The following USH2A variants were observed in gnomAD, a reference collection of about 807,000 sequenced individuals.
The protein encoded by USH2A is Usher syndrome 2A (autosomal recessive, mild).
Under a neutral mutation model 538.9 loss-of-function variants are expected in USH2A, and 443 were observed. That is an observed-to-expected ratio of 0.82 (90% CI 0.76 to 0.89). The LOEUF (loss-of-function observed/expected upper bound fraction) is 0.89. USH2A is among the 40% of genes least tolerant of loss of function. USH2A has a pLI of 0.00. For synonymous variants in USH2A, 2,413 were observed against 2,273.5 expected (o/e 1.06, Z -1.75); for missense variants, 6,633 against 6,324.8 (o/e 1.05, Z -1.65).
chr1:215,763,499 T>TGTGG (rs1162515806), intron 56 of USH2A, among the ~76,000 whole-genome samples: 1 of 151,992 alleles, frequency 6.6e-6, no homozygotes, highest in Non-Finnish European at 1.5e-5. Context: ...GTCGTAGAAA[T>TGTGG]GTGGGCAAGG....
intron 38 of USH2A, among the ~76,000 whole-genome samples, chr1:215,927,955 T>A (rs1278887804): frequency 6.6e-6 from 1 of 152,134 alleles, no homozygotes; most frequent in Non-Finnish European, 1.5e-5. Flanking sequence ...AATTTAATTC[T>A]GGAAAATGTT....
intron 71 of USH2A, among the ~76,000 whole-genome samples, chr1:215,628,288 AT>A (rs954673187): frequency 1.7e-4 from 26 of 151,638 alleles, no homozygotes; most frequent in African/African-American, 6.3e-4. Context: ...TTTGCTGCTT[AT>A]TTATTTATTT....
At chr1:216,270,909 G>A (rs1169620307) in intron 11 of USH2A, among the ~76,000 whole-genome samples, 1 of 151,862 alleles carries the variant, frequency 6.6e-6, no homozygotes, top group African/African-American at 2.4e-5. Flanking sequence ...ATAATCCTAC[G>A]GTAAGGTGGT....
intron 40 of USH2A, 56 bp downstream of exon 40, chr1:215,900,019 C>A (rs1665446706): frequency 6.2e-7 from 1 of 1,610,218 alleles, no homozygotes; most frequent in South Asian, 1.1e-5. Context: ...AAATTGAAGA[C>A]ATTTTAAGCT....
intron 21 of USH2A, among the ~76,000 whole-genome samples, chr1:216,151,502 C>G (rs897468270): frequency 2.6e-5 from 4 of 152,148 alleles, no homozygotes; most frequent in Non-Finnish European, 5.9e-5. Context: ...CTTTCTGCCT[C>G]CATGATTGCT....
At chr1:215,753,671 G>C (rs1437463463) in intron 58 of USH2A, among the ~76,000 whole-genome samples, 1 of 151,930 alleles carries the variant, frequency 6.6e-6, no homozygotes, top group African/African-American at 2.4e-5. Context: ...TGGGGTTGGG[G>C]GAGAGGGGAG....
intron 12 of USH2A, among the ~76,000 whole-genome samples, chr1:216,248,714 T>C (rs2036100367): frequency 6.6e-6 from 1 of 152,084 alleles, no homozygotes; most frequent in Non-Finnish European, 1.5e-5. Flanking sequence ...TTATGACTCA[T>C]TTTGAACTAT....
chr1:215,746,998 T>C (rs1000988367), intron 58 of USH2A, among the ~76,000 whole-genome samples: 7 of 152,198 alleles, frequency 4.6e-5, no homozygotes, highest in Non-Finnish European at 8.8e-5. Flanking sequence ...ATTGTATGTA[T>C]GGTGAGTGAT....
intron 71 of USH2A, among the ~76,000 whole-genome samples, chr1:215,627,548 CAG>C (rs1303355713): frequency 6.8e-6 from 1 of 147,696 alleles, no homozygotes; most frequent in East Asian, 2.0e-4. Context: ...TTTCTTTTTT[CAG>C]AGTCTTGCTC....
chr1:216,197,044 G>A (rs370813557), intron 18 of USH2A, among the ~76,000 whole-genome samples: 1 of 152,026 alleles, frequency 6.6e-6, no homozygotes, highest in Non-Finnish European at 1.5e-5. Flanking sequence ...TCTAAAAAAC[G>A]TCACAAAAAT....
intron 21 of USH2A, among the ~76,000 whole-genome samples, chr1:216,168,835 G>A (rs571370594): frequency 1.3e-4 from 20 of 152,050 alleles, no homozygotes; most frequent in African/African-American, 3.9e-4. Flanking sequence ...CCTCACCCAG[G>A]AACTGACTCA....
intron 38 of USH2A, among the ~76,000 whole-genome samples, chr1:215,932,957 A>C (rs987806589): frequency 6.6e-6 from 1 of 152,026 alleles, no homozygotes; most frequent in African/African-American, 2.4e-5. Flanking sequence ...TTTTAATTGA[A>C]TCTTGATATA....
chr1:215,729,623 G>GT (rs60747109), intron 60 of USH2A, among the ~76,000 whole-genome samples: 6,893 of 152,076 alleles, frequency 0.045, 491 homozygotes, highest in African/African-American at 0.15. Flanking sequence ...TTGTTTTAGA[G>GT]TTTTTTTGTT....
chr1:215,654,090 A>G (rs915501371), intron 64 of USH2A, among the ~76,000 whole-genome samples: 2 of 152,224 alleles, frequency 1.3e-5, no homozygotes, highest in Admixed American at 6.5e-5. Flanking sequence ...TATGGCCAAG[A>G]GAAAAAAAAG....
At chr1:216,368,056 A>T (rs1032945024) in intron 3 of USH2A, among the ~76,000 whole-genome samples, 6 of 152,176 alleles carry the variant, frequency 3.9e-5, no homozygotes, top group Non-Finnish European at 7.3e-5. Context: ...TTCATAAGAG[A>T]TCCGAAAACA....
At chr1:216,348,946 C>A (rs2038227307) in intron 4 of USH2A, among the ~76,000 whole-genome samples, 2 of 152,118 alleles carry the variant, frequency 1.3e-5, no homozygotes, top group Admixed American at 1.3e-4. Context: ...TACTAGCAAC[C>A]ACATATTAGC....
Position 215,888,781 on chromosome 1 carries a change from G to GC in USH2A, c.7867dup (p.Ala2623GlyfsTer13), listed in dbSNP as rs776583882. The GC allele has an allele frequency of 6.2e-7, 1 of 1,614,086 alleles. No homozygotes were observed. ...CTCTGGACTTGGGATCCCTTCCGGT[G>GC]CCCCTGGGAGTGTCCATACAGTCTG... On this transcript the variant is annotated frameshift_variant, in exon 41 of 72. Transcript: ENST00000307340. LOFTEE classifies it high-confidence loss of function.
At position 216,061,804 on chromosome 1, in the gene USH2A, C is replaced by T. The variant is rs2031193865; in HGVS notation, c.6049+8297G>A. Among the ~76,000 whole-genome samples the T allele has an allele frequency of 2.6e-5, 4 of 152,268 alleles. No individual in the cohort carries two copies. The South Asian group carries it at 8.3e-4, about 31-fold the overall frequency. ...GGACTGTTAGAAGGAAAGTCCTAGG[C>T]AAACCCAAACTTAAACTGGAAGCAA... On this transcript the variant is annotated intron_variant, in intron 30 of 71. Coordinates refer to ENST00000307340, the MANE Select transcript of USH2A (RefSeq NM_206933.4).
At chr1:216,011,429 A>G (rs1056896653) in intron 32 of USH2A, among the ~76,000 whole-genome samples, 4 of 152,102 alleles carry the variant, frequency 2.6e-5, no homozygotes, top group African/African-American at 9.7e-5. Flanking sequence ...TACCTATCTC[A>G]GCATAATTCT....
Sources: allele counts gnomAD v4.1 joint callset (sites outside exome capture counted in the v4.1 genomes callset), GRCh38; gene constraint gnomAD v4.1.1; transcripts MANE v1.5; gene names NCBI Gene and HGNC (gene_info 2026-07-23, HGNC 2026-07-21).